CBFA2T2: variants seen among roughly 807,000 people sequenced by gnomAD.
The protein encoded by CBFA2T2 is CBFA2/RUNX1 partner transcriptional co-repressor 2, also known as protein CBFA2T2.
A neutral mutation model predicts 62.2 loss-of-function variants in CBFA2T2; 11 were observed. The observed-to-expected ratio is 0.18, with a 90% confidence interval of 0.11 to 0.29. CBFA2T2 has a LOEUF of 0.29. CBFA2T2 is among the 10% of genes least tolerant of loss of function. The pLI is 1.00. For synonymous variants in CBFA2T2, 295 were observed against 287.5 expected, an observed-to-expected ratio of 1.03 and a Z score of -0.27; for missense variants, 592 against 774.1, an observed-to-expected ratio of 0.76 and a Z score of 2.79.
chr20:33,570,777 C>G (rs12625776), intron 1 of CBFA2T2, among the ~76,000 whole-genome samples: 22,145 of 152,136 alleles, frequency 0.15, 2,040 homozygotes, highest in East Asian at 0.4. Context: ...TAATGTGAGA[C>G]TCATTTTCTT....
At chr20:33,539,583 T>C (rs1309411864) in intron 1 of CBFA2T2, among the ~76,000 whole-genome samples, 1 of 152,202 alleles carries the variant, frequency 6.6e-6, no homozygotes, top group Admixed American at 6.5e-5. Flanking sequence ...ATAAATGTAT[T>C]ATAGGTCCCT....
chr20:33,538,655 C>T (rs1018438074), intron 1 of CBFA2T2, among the ~76,000 whole-genome samples: 6 of 152,184 alleles, frequency 3.9e-5, no homozygotes, highest in African/African-American at 7.2e-5. Flanking sequence ...CATGAGCCAC[C>T]GTCCCTGGCC....
intron 1 of CBFA2T2, among the ~76,000 whole-genome samples, chr20:33,548,803 A>G (rs1449637952): frequency 6.6e-6 from 1 of 152,066 alleles, no homozygotes; most frequent in Non-Finnish European, 1.5e-5. Flanking sequence ...CCTTCCCCCG[A>G]AAAAAAGCCA....
intron 10 of CBFA2T2, among the ~76,000 whole-genome samples, chr20:33,642,780 T>C (rs2016904569): frequency 6.6e-6 from 1 of 152,234 alleles, no homozygotes; most frequent in African/African-American, 2.4e-5. Context: ...TATCTCTGTT[T>C]ATCTTTAACT....
At chr20:33,574,260 AG>A (rs748722063) in intron 1 of CBFA2T2, 70 of 1,611,924 alleles carry the variant, frequency 4.3e-5, no homozygotes, top group Non-Finnish European at 5.6e-5. Context: ...GGCAATGGAA[AG>A]GTATGTGTGA....
In CBFA2T2 at chr20:33,574,781, G is replaced by A. The variant is rs1454134189; in HGVS notation, c.35-32175G>A. The stretch of plus-strand genomic sequence containing the variant: ...TATGATCAATCTAGTCAAGAGATGG[G>A]GAAGGTCTAAGCTTTGTCTCTTGTA... On this transcript the variant is annotated intron_variant, in intron 1 of 10. Transcript: ENST00000342704. Among the ~76,000 whole-genome samples, 4 of 152,246 alleles carry A rather than the reference G, an allele frequency of 2.6e-5. No individual in the cohort carries two copies. The East Asian group carries it at 7.7e-4, about 29-fold the overall frequency.
chr20:33,499,862 G>A (rs573856536), intron 1 of CBFA2T2, among the ~76,000 whole-genome samples: 1 of 152,204 alleles, frequency 6.6e-6, no homozygotes, highest in East Asian at 1.9e-4. Flanking sequence ...AATTGTCCAA[G>A]GTCACACAGT....
rs1303323624 is a variant in CBFA2T2 at position 33,574,332 on chromosome 20, A to G, written c.35-32624A>G. On this transcript the variant is annotated intron_variant, in intron 1 of 10. Transcript: ENST00000342704. ...AGAAATATACTCTTCCCTAGAAACA[A>G]TTTGCTTTAAAGGCCAGGCATGGTG... The G allele has an allele frequency of 1.4e-5, 21 of 1,452,440 alleles. No individual in the cohort carries two copies. The South Asian group carries it at 1.7e-4, about 12-fold the overall frequency. The allele number at this position is 1,452,440 out of a possible 1,614,324, so 90.0% of individuals were successfully genotyped here. A position where few individuals can be genotyped will look rare whatever the true frequency, so the allele number is the denominator to read the frequency against.
chr20:33,555,074 T>C (rs1451207672), intron 1 of CBFA2T2, among the ~76,000 whole-genome samples: 7 of 152,216 alleles, frequency 4.6e-5, no homozygotes, highest in African/African-American at 1.4e-4. Context: ...GGCTGAACGC[T>C]GTAGCAAAGT....
rs981971571 is a variant in CBFA2T2, at chr20:33,642,729, A to T, written c.1489-1618A>T. Among the ~76,000 whole-genome samples, 13 of 152,214 alleles carry T rather than the reference A, an allele frequency of 8.5e-5. No homozygotes were observed. In the East Asian group the frequency reaches 2.5e-3, roughly 29 times the overall value. Reference sequence around the variant, plus strand: ...TATGTTTAACTGTGTATGTATAGCCATCCATATCAGTATCTGTATTTGTCC... The same window carrying T: ...TATGTTTAACTGTGTATGTATAGCCTTCCATATCAGTATCTGTATTTGTCC... On this transcript the variant is annotated intron_variant, in intron 10 of 10. Transcript: ENST00000342704.
chr20:33,607,184 AT>A (rs1398371185), intron 2 of CBFA2T2, 85 bp downstream of exon 2: 13 of 1,257,536 alleles, frequency 1.0e-5, no homozygotes, highest in African/African-American at 1.5e-5. Flanking sequence ...TTCCACATAT[AT>A]TATTCAGTGT....
At chr20:33,610,605 T>A (rs368160545) in intron 2 of CBFA2T2, among the ~76,000 whole-genome samples, 3 of 152,154 alleles carry the variant, frequency 2.0e-5, no homozygotes, top group African/African-American at 7.2e-5. Context: ...AGTCATTAAA[T>A]CAGTAGGCCT....
chr20:33,589,977 G>C (rs1481184086), intron 1 of CBFA2T2, among the ~76,000 whole-genome samples: 1 of 152,024 alleles, frequency 6.6e-6, no homozygotes, highest in Non-Finnish European at 1.5e-5. Flanking sequence ...TTGGGGTCTG[G>C]CATGGTGGCT....
chr20:33,514,222 T>TG (rs2011561485), intron 1 of CBFA2T2, among the ~76,000 whole-genome samples: 2 of 125,254 alleles, frequency 1.6e-5, no homozygotes, highest in African/African-American at 3.0e-5. Flanking sequence ...TTTTTTTTTT[T>TG]TTTTTTTTTT....
At chr20:33,630,211 G>GCA (rs1937086097) in intron 8 of CBFA2T2, among the ~76,000 whole-genome samples, 1 of 152,168 alleles carries the variant, frequency 6.6e-6, no homozygotes, top group Admixed American at 6.5e-5. Context: ...CCCTCCCAAA[G>GCA]CACCAGGATT....
intron 1 of CBFA2T2, among the ~76,000 whole-genome samples, chr20:33,600,964 T>C (rs2015108239): frequency 1.3e-5 from 2 of 152,260 alleles, no homozygotes; most frequent in Admixed American, 1.3e-4. Flanking sequence ...ATATTGTTTT[T>C]TAAAATTGTG....
At chr20:33,516,727 C>A (rs2011604876) in intron 1 of CBFA2T2, among the ~76,000 whole-genome samples, 1 of 152,120 alleles carries the variant, frequency 6.6e-6, no homozygotes, top group Admixed American at 6.6e-5. Flanking sequence ...TATTTTCAGG[C>A]TTTTTGGTAT....
intron 10 of CBFA2T2, among the ~76,000 whole-genome samples, chr20:33,642,116 T>TTG (rs869240464): frequency 0.056 from 3,302 of 58,646 alleles, 50 homozygotes; most frequent in Middle Eastern, 0.091. Flanking sequence ...TTTTTTTTTT[T>TTG]TGTGTGTGTG....
chr20:33,523,958 A>T (rs887923194), intron 1 of CBFA2T2, among the ~76,000 whole-genome samples: 2 of 151,956 alleles, frequency 1.3e-5, no homozygotes, highest in African/African-American at 4.8e-5. Flanking sequence ...TGCTGAGATT[A>T]TAGGCATGAG....
Sources: allele counts gnomAD v4.1 joint callset (sites outside exome capture counted in the v4.1 genomes callset), GRCh38; gene constraint gnomAD v4.1.1; transcripts MANE v1.5; gene names NCBI Gene and HGNC (gene_info 2026-07-23, HGNC 2026-07-21).